The following MAOB variants were observed in gnomAD, a reference collection of about 807,000 sequenced individuals.
MAOB encodes amine oxidase [flavin-containing] B.
A neutral mutation model predicts 41.9 loss-of-function variants in MAOB; 15 were observed. The observed-to-expected ratio is 0.36, with a 90% CI of 0.24 to 0.55. The LOEUF (loss-of-function observed/expected upper bound fraction) is 0.55, where lower values mean the gene tolerates loss of function less well. MAOB is among the 20% of genes least tolerant of loss of function. The pLI, the probability that MAOB is intolerant of heterozygous loss-of-function variation, is 0.86. For synonymous variants in MAOB, 167 were observed against 144.2 expected, an observed-to-expected ratio of 1.16 and a Z score of -1.13; for missense variants, 345 against 398.7, an observed-to-expected ratio of 0.87 and a Z score of 1.15.
At chrX:43,873,716 C>T (rs1345992519) in intron 1 of MAOB, among the ~76,000 whole-genome samples, 1 of 110,446 alleles carries the variant, frequency 9.1e-6, no homozygotes, top group African/African-American at 3.3e-5. Context: ...CTGTCTCTGT[C>T]GCCAGGCTGG....
At chrX:43,821,259 A>T (rs1453792968) in intron 3 of MAOB, among the ~76,000 whole-genome samples, 1 of 111,019 alleles carries the variant, frequency 9.0e-6, no homozygotes, top group Non-Finnish European at 1.9e-5. Flanking sequence ...ACCAGCACAA[A>T]AATCCATCCC....
chrX:43,872,111 T>C (rs1290923348), intron 1 of MAOB, among the ~76,000 whole-genome samples: 1 of 111,816 alleles, frequency 8.9e-6, no homozygotes, highest in Non-Finnish European at 1.9e-5. Context: ...GTTATCTAAT[T>C]AATGATGGCA....
At chrX:43,877,227 G>T (rs1357203043) in intron 1 of MAOB, among the ~76,000 whole-genome samples, 1 of 111,913 alleles carries the variant, frequency 8.9e-6, no homozygotes, top group Non-Finnish European at 1.9e-5. Context: ...CTCCACCACT[G>T]CCCCTGAATG....
At chrX:43,873,356 C>T (rs367877515) in intron 1 of MAOB, among the ~76,000 whole-genome samples, 2 of 108,775 alleles carry the variant, frequency 1.8e-5, no homozygotes, top group South Asian at 4.0e-4. Context: ...GCAAAAGGGA[C>T]GATTATTTAG....
At chrX:43,841,848 C>A (rs138870966) in intron 2 of MAOB, among the ~76,000 whole-genome samples, 2 of 111,736 alleles carry the variant, frequency 1.8e-5, no homozygotes, top group African/African-American at 6.5e-5. Flanking sequence ...GAAAAACGGA[C>A]TATCCACATG....
rs1163831661 is a variant in MAOB, at chrX:43,857,116, TAGAGAGAGAGAGAGAG to T, written c.47-13368_47-13353del. Among the ~76,000 whole-genome samples, 70 of 11,328 alleles carry T rather than the reference TAGAGAGAGAGAGAGAG, an allele frequency of 6.2e-3. 1 individual carries two copies. The highest frequency in any genetic ancestry group is 0.015 in the South Asian group (1 of 67). The allele number at this position is 11,328 out of a possible 115,157, so 9.8% of individuals were successfully genotyped here. On this transcript the variant is annotated intron_variant, in intron 1 of 14. Coordinates refer to ENST00000378069, the MANE Select transcript of MAOB (RefSeq NM_000898.5). ...ATATATATATATATATATATATATATAGAGAGAGAGAGAGAGAGAGAGAGAGAGAGAGAGAGAGAGA... is the reference window on the plus strand; with the variant it reads ...ATATATATATATATATATATATATATAGAGAGAGAGAGAGAGAGAGAGAGA...
chrX:43,877,367 C>A (rs1300917065), intron 1 of MAOB, among the ~76,000 whole-genome samples: 2 of 110,247 alleles, frequency 1.8e-5, no homozygotes. Flanking sequence ...GAAATTGTGA[C>A]TCTAGTGGCA....
chrX:43,860,135 A>G (rs1234962039), intron 1 of MAOB, among the ~76,000 whole-genome samples: 1 of 111,449 alleles, frequency 9.0e-6, no homozygotes, highest in African/African-American at 3.3e-5. Context: ...CTTCTTAAAT[A>G]CCTTTGCTGG....
At chrX:43,876,358 A>T (rs750909814) in intron 1 of MAOB, among the ~76,000 whole-genome samples, 8 of 112,545 alleles carry the variant, frequency 7.1e-5, no homozygotes, top group Non-Finnish European at 1.1e-4. Context: ...CATCATGGTG[A>T]TTTATACTTT....
At chrX:43,831,784 G>A (rs890775263) in intron 3 of MAOB, among the ~76,000 whole-genome samples, 6 of 111,057 alleles carry the variant, frequency 5.4e-5, no homozygotes, top group Non-Finnish European at 1.1e-4. Context: ...GTTCCTGAGG[G>A]AACTAATTAA....
Position 43,802,297 on chromosome X carries a change from A to G in MAOB, c.385-34T>C, listed in dbSNP as rs3736671. On this transcript the variant is annotated intron_variant, in intron 4 of 14. Transcript: ENST00000378069. ...AGATGAGGATTCGAAGGAGAAAGAC[A>G]AATGTAATTTTCTCTTTTATTTTAT... 3.5e-4 allele frequency: 326 copies of G among 928,748 alleles called. No homozygotes were observed. In the East Asian group the frequency reaches 0.011, roughly 30 times the overall value. The allele number at this position is 928,748 out of a possible 1,213,427, so 76.5% of individuals were successfully genotyped here.
At chrX:43,779,945 G>A (rs906295554) in intron 10 of MAOB, among the ~76,000 whole-genome samples, 8 of 111,507 alleles carry the variant, frequency 7.2e-5, no homozygotes, top group Non-Finnish European at 1.9e-5. Context: ...TGTAGTATGT[G>A]TACAGCAGAC....
At chrX:43,840,490 A>AGG (rs1343163275) in intron 2 of MAOB, among the ~76,000 whole-genome samples, 1 of 111,461 alleles carries the variant, frequency 9.0e-6, no homozygotes, top group African/African-American at 3.3e-5. Context: ...ATGAGTACAG[A>AGG]GGGCTGGCAA....
intron 12 of MAOB, among the ~76,000 whole-genome samples, chrX:43,774,807 T>G (rs1460152079): frequency 9.0e-6 from 1 of 111,671 alleles, no homozygotes; most frequent in Non-Finnish European, 1.9e-5. Context: ...GATTTTTAAT[T>G]TTTATGGGTA....
intron 1 of MAOB, among the ~76,000 whole-genome samples, chrX:43,853,636 C>T (rs2035269789): frequency 9.0e-6 from 1 of 111,731 alleles, no homozygotes; most frequent in Admixed American, 9.4e-5. Context: ...GTATTGTGGG[C>T]CCTAGACCAA....
intron 1 of MAOB, among the ~76,000 whole-genome samples, chrX:43,854,163 C>T (rs1211554075): frequency 9.0e-6 from 1 of 111,699 alleles, no homozygotes; most frequent in Non-Finnish European, 1.9e-5. Context: ...TTTCGAGTGA[C>T]CTGTTGGAAC....
intron 1 of MAOB, among the ~76,000 whole-genome samples, chrX:43,852,461 T>C (rs1282329060): frequency 1.8e-5 from 2 of 111,844 alleles, no homozygotes; most frequent in African/African-American, 3.3e-5. Flanking sequence ...TCAAGAGAGA[T>C]TGATAGATGG....
At chrX:43,825,740 G>A (rs1167526928) in intron 3 of MAOB, among the ~76,000 whole-genome samples, 1 of 112,187 alleles carries the variant, frequency 8.9e-6, no homozygotes, top group Admixed American at 9.5e-5. Context: ...GAAAGCCAAA[G>A]CTTTTTGCAT....
intron 2 of MAOB, among the ~76,000 whole-genome samples, chrX:43,839,259 T>C (rs1302666386): frequency 8.9e-6 from 1 of 111,899 alleles, no homozygotes; most frequent in East Asian, 2.8e-4. Flanking sequence ...CAATATACCA[T>C]AACATGGCTT....
Sources: allele counts gnomAD v4.1 joint callset (sites outside exome capture counted in the v4.1 genomes callset), GRCh38; gene constraint gnomAD v4.1.1; transcripts MANE v1.5; gene names NCBI Gene and HGNC (gene_info 2026-07-23, HGNC 2026-07-21).